NRG4: variants seen among roughly 807,000 people sequenced by gnomAD.
The protein encoded by NRG4 is neuregulin 4.
A neutral mutation model predicts 15.0 loss-of-function variants in NRG4; 10 were observed. The ratio of observed to expected loss-of-function variants is 0.67; its 90% confidence interval spans 0.41 to 1.13. The LOEUF (loss-of-function observed/expected upper bound fraction) is 1.13. NRG4 is among the 50% of genes most tolerant of loss of function. NRG4 has a pLI of 0.00. For synonymous variants in NRG4, 41 were observed against 50.1 expected (o/e 0.82, Z 0.77); for missense variants, 139 against 140.2 (o/e 0.99, Z 0.04).
intron 5 of NRG4, among the ~76,000 whole-genome samples, chr15:75,944,649 T>C (rs1331987449): frequency 6.6e-6 from 1 of 152,240 alleles, no homozygotes; most frequent in East Asian, 1.9e-4. Flanking sequence ...TTTCATAATA[T>C]GAGCTAACAT....
chr15:75,993,467 A>AGC (rs2034101082), intron 3 of NRG4, among the ~76,000 whole-genome samples: 1 of 150,434 alleles, frequency 6.6e-6, no homozygotes, highest in Non-Finnish European at 1.5e-5. Context: ...CTGTAATCCC[A>AGC]GCAGTGGACA....
chr15:76,033,342 G>A (rs1249838109), intron 5 of NRG4, among the ~76,000 whole-genome samples: 3 of 152,132 alleles, frequency 2.0e-5, no homozygotes, highest in Non-Finnish European at 4.4e-5. Context: ...GATACCTGGA[G>A]GCCAGGAGTT....
intron 5 of NRG4, among the ~76,000 whole-genome samples, chr15:76,017,633 C>A (rs1189183768): frequency 6.6e-6 from 1 of 152,104 alleles, no homozygotes; most frequent in Non-Finnish European, 1.5e-5. Flanking sequence ...GTTGAAAATT[C>A]TTTTAAGAAT....
Position 75,943,284 on chromosome 15 carries a change from GTTTTCATCCT to G in NRG4, c.*344_*353del, listed in dbSNP as rs1179162875. The G allele has an allele frequency of 9.4e-6, 2 of 211,972 alleles. No individual in the cohort carries two copies. The highest frequency in any genetic ancestry group is 1.8e-4 in the South Asian group (1 of 5,694). The allele number at this position is 211,972 out of a possible 1,614,324, so 13.1% of individuals were successfully genotyped here. On this transcript the variant is annotated 3_prime_UTR_variant, in exon 6 of 6. Transcript: ENST00000394907. ...GCCAGCTACTCCTTGCATTTAAAGG[GTTTTCATCCT>G]TTTTCATAAGATCTTCATATATCCC...
At chr15:75,992,495 T>C (rs2034055101) in intron 3 of NRG4, among the ~76,000 whole-genome samples, 1 of 152,186 alleles carries the variant, frequency 6.6e-6, no homozygotes, top group Admixed American at 6.5e-5. Context: ...TTATTATTTA[T>C]ATGATATAAT....
downstream of NRG4, chr15:75,936,434 A>G (rs901551800): frequency 6.6e-6 from 1 of 152,240 alleles, no homozygotes; most frequent in African/African-American, 2.4e-5. Flanking sequence ...AGAATAATCA[A>G]ATATTTGCAA....
intron 4 of NRG4, among the ~76,000 whole-genome samples, chr15:76,042,675 C>T (rs2035772689): frequency 1.3e-5 from 2 of 151,988 alleles, no homozygotes; most frequent in Non-Finnish European, 2.9e-5. Flanking sequence ...AGAAGTCTCC[C>T]AACAAAGGAA....
chr15:75,949,585 A>C (rs190484028), intron 5 of NRG4, among the ~76,000 whole-genome samples: 67 of 152,238 alleles, frequency 4.4e-4, no homozygotes, highest in African/African-American at 1.4e-3. Flanking sequence ...AAAAGTTTTA[A>C]ATTTACATGA....
chr15:76,006,565 T>C (rs927052919), intron 3 of NRG4, among the ~76,000 whole-genome samples: 30 of 152,174 alleles, frequency 2.0e-4, no homozygotes, highest in African/African-American at 7.2e-4. Flanking sequence ...AGAATACACA[T>C]TCACGTTGCA....
chr15:75,965,434 A>G (rs1000756075), intron 3 of NRG4, among the ~76,000 whole-genome samples: 2 of 152,194 alleles, frequency 1.3e-5, no homozygotes, highest in African/African-American at 4.8e-5. Context: ...GGATAAAGCA[A>G]TCACATGCTC....
intron 5 of NRG4, among the ~76,000 whole-genome samples, chr15:76,029,144 A>G (rs2035401830): frequency 6.6e-6 from 1 of 152,204 alleles, no homozygotes; most frequent in Non-Finnish European, 1.5e-5. Context: ...ATGGTTCAAC[A>G]TATGCAAATC....
At chr15:75,936,863 G>T (rs553724321), downstream of NRG4, 5 of 152,080 alleles carry the variant, frequency 3.3e-5, no homozygotes, top group African/African-American at 4.8e-5. Flanking sequence ...GTGAGCCACC[G>T]TGCCCAGCTG....
chr15:75,949,666 A>C (rs2031762384), intron 5 of NRG4, among the ~76,000 whole-genome samples: 1 of 152,178 alleles, frequency 6.6e-6, no homozygotes, highest in East Asian at 1.9e-4. Flanking sequence ...TCTTTGCCTA[A>C]TTCAATGTCA....
intron 5 of NRG4, among the ~76,000 whole-genome samples, chr15:76,031,568 T>A (rs572150142): frequency 6.6e-6 from 1 of 152,286 alleles, no homozygotes; most frequent in Non-Finnish European, 1.5e-5. Context: ...CATGCTCCTG[T>A]AGTCCCAGCT....
intron 3 of NRG4, among the ~76,000 whole-genome samples, chr15:75,990,680 T>G (rs1006104660): frequency 4.7e-4 from 70 of 147,624 alleles, no homozygotes; most frequent in African/African-American, 5.7e-4. Flanking sequence ...TGTTTTTTTT[T>G]TTTGTTTTTT....
rs995958343 is a variant in NRG4, at chr15:75,968,059, CAT to C, written c.105-6087_105-6086del. 1.4e-4 allele frequency among the ~76,000 whole-genome samples: 21 copies of C among 152,308 alleles called. 1 individual carries two copies. Among genetic ancestry groups the C allele is most frequent in the African/African-American group, 4.3e-4 (18 of 41,572 alleles). On this transcript the variant is annotated intron_variant, in intron 3 of 5. Coordinates refer to ENST00000394907, the MANE Select transcript of NRG4 (RefSeq NM_138573.4). The stretch of plus-strand genomic sequence containing the variant: ...AGAGTAAGCAACAGTAGTGTAAAAA[CAT>C]GACCCTCATTACTGAGTGTGTGCAT...
chr15:76,031,799 G>A (rs2035478919), intron 5 of NRG4, among the ~76,000 whole-genome samples: 1 of 152,208 alleles, frequency 6.6e-6, no homozygotes, highest in Non-Finnish European at 1.5e-5. Context: ...AGGTTGCAGT[G>A]AGCCAAGATC....
intron 3 of NRG4, among the ~76,000 whole-genome samples, chr15:75,996,108 G>A (rs1034919538): frequency 6.6e-6 from 1 of 152,162 alleles, no homozygotes; most frequent in African/African-American, 2.4e-5. Context: ...ACTCAAGCCT[G>A]TGTCAGTTAT....
chr15:75,980,348 G>A (rs2033553064), intron 3 of NRG4, among the ~76,000 whole-genome samples: 1 of 150,126 alleles, frequency 6.7e-6, no homozygotes, highest in African/African-American at 2.4e-5. Flanking sequence ...AAAATACTGG[G>A]TAAATTCAAA....
Sources: gnomAD v4.1 joint callset for allele counts (sites outside exome capture counted in the v4.1 genomes callset) on GRCh38, gnomAD v4.1.1 for gene constraint, MANE v1.5 for transcripts, NCBI Gene and HGNC (gene_info 2026-07-23, HGNC 2026-07-21) for gene names.